The following IPO9 variants were observed in gnomAD, a reference collection of about 807,000 sequenced individuals.
IPO9 encodes importin-9.
IPO9 carries 28 observed loss-of-function variants against 128.6 expected under a neutral mutation model. That is an observed-to-expected ratio of 0.22 (90% CI 0.16 to 0.30). The LOEUF (loss-of-function observed/expected upper bound fraction) is 0.30, where lower values mean the gene tolerates loss of function less well. Ranked by LOEUF, IPO9 falls within the 10% of genes least tolerant of loss-of-function variation. The pLI is 1.00. For missense variants in IPO9, 935 were observed against 1,293.9 expected, an observed-to-expected ratio of 0.72 and a Z score of 4.26; for synonymous variants, 455 against 475.8, an observed-to-expected ratio of 0.96 and a Z score of 0.57.
In IPO9 at chr1:201,882,138, C is replaced by A. The variant is rs891844250; in HGVS notation, c.*6084C>A. 1 of 152,024 alleles carries A rather than the reference C, an allele frequency of 6.6e-6. No individual in the cohort carries two copies. Among genetic ancestry groups the A allele is most frequent in the Non-Finnish European group, 1.5e-5 (1 of 67,996 alleles). The allele number at this position is 152,024 out of a possible 1,614,324, so 9.4% of individuals were successfully genotyped here. A position where few individuals can be genotyped will look rare whatever the true frequency, so the allele number is the denominator to read the frequency against. The stretch of plus-strand genomic sequence containing the variant: ...ACCCAAAAGTAATCGCAATAAAATT[C>A]CAATTTTTGTAGGCCGGGCATAGTG... On this transcript the variant is annotated 3_prime_UTR_variant, in exon 24 of 24. Transcript: ENST00000361565.
At position 201,853,114 on chromosome 1, in the gene IPO9, A is replaced by C; in HGVS notation, c.690+17A>C. The stretch of plus-strand genomic sequence containing the variant: ...CTGGAAAAGGTAAGCAGGTCTTTGG[A>C]TCAATAACAGACTTCATGCTTAAAA... On this transcript the variant is annotated intron_variant, in intron 6 of 23. Transcript: ENST00000361565. 1 of 1,601,912 alleles carries C rather than the reference A, an allele frequency of 6.2e-7. No individual in the cohort carries two copies. The highest frequency in any genetic ancestry group is 8.6e-7 in the Non-Finnish European group (1 of 1,168,816).
intron 19 of IPO9, among the ~76,000 whole-genome samples, chr1:201,872,186 C>T (rs1422666749): frequency 6.6e-6 from 1 of 152,200 alleles, no homozygotes; most frequent in Non-Finnish European, 1.5e-5. Flanking sequence ...CATTGCACTT[C>T]AGCCTGGGCG....
At chr1:201,848,694 G>C in intron 4 of IPO9, 100 bp downstream of exon 4, 2 of 1,123,996 alleles carry the variant, frequency 1.8e-6, no homozygotes, top group Non-Finnish European at 2.6e-6. Flanking sequence ...AGTAGGAATT[G>C]CTGCTGATGT....
At chr1:201,834,338 G>C (rs1004409950) in intron 1 of IPO9, among the ~76,000 whole-genome samples, 1 of 151,694 alleles carries the variant, frequency 6.6e-6, no homozygotes, top group Non-Finnish European at 1.5e-5. Flanking sequence ...ATGAACCACC[G>C]AAGATCTCTT....
intron 1 of IPO9, among the ~76,000 whole-genome samples, chr1:201,834,715 C>T (rs1247432713): frequency 6.6e-6 from 1 of 152,206 alleles, no homozygotes; most frequent in Non-Finnish European, 1.5e-5. Context: ...TTTCCCCTAT[C>T]ATTTGGCCTT....
rs769882374 is a variant in IPO9, at chr1:201,847,575, A to C, written c.249A>C (p.Gln83His). 2.5e-6 allele frequency: 4 copies of C among 1,614,046 alleles called. No individual in the cohort carries two copies. The highest frequency in any genetic ancestry group is 2.2e-5 in the East Asian group (1 of 44,874). ...AGCTGGCATCAGTCATCTTGAAACA[A>C]TATGTGGAGACTCACTGGTGTGCCC... ...IRQLASVILK[Q>H]YVETHWCAQS... The change falls in exon 3 of 24, where the codon CAA (glutamine) becomes CAC (histidine). Residue 83 changes from glutamine (Q) to histidine (H), a missense_variant. By Grantham distance (24) the Gln-to-His change is conservative. Around this residue, in one of 3 missense-constraint regions of IPO9, gnomAD observed 741 missense variants for 1,019.1 expected, o/e 0.73. Coordinates refer to ENST00000361565, the MANE Select transcript of IPO9 (RefSeq NM_018085.5).
intron 1 of IPO9, among the ~76,000 whole-genome samples, chr1:201,836,832 CAT>C (rs1310741525): frequency 6.6e-6 from 1 of 152,126 alleles, no homozygotes; most frequent in African/African-American, 2.4e-5. Flanking sequence ...TCATGTTGGA[CAT>C]GTGGTCATAA....
At chr1:201,847,459 G>C (rs1356502824) in intron 2 of IPO9, 93 bp from the exon 3 acceptor site, 26 of 1,353,266 alleles carry the variant, frequency 1.9e-5, no homozygotes, top group Non-Finnish European at 1.6e-5. Flanking sequence ...GCCAGATTTA[G>C]ATATACTTCA....
At position 201,847,619 on chromosome 1, in the gene IPO9, C is replaced by G; in HGVS notation, c.293C>G (p.Pro98Arg). Reference protein sequence around the residue: ...HWCAQSEKFRPPETTERAKIV... With the variant: ...HWCAQSEKFRRPETTERAKIV... ...TGTGCCCAATCAGAGAAATTTAGGCCTCCTGAAACTACAGAAAGGGTAAGT... is the reference window on the plus strand; with the variant it reads ...TGTGCCCAATCAGAGAAATTTAGGCGTCCTGAAACTACAGAAAGGGTAAGT... Residue 98 changes from proline to arginine, a missense_variant, in exon 3 of 24, where the codon CCT becomes CGT. Pro to Arg is a moderately radical substitution (Grantham distance 103). Coordinates refer to ENST00000361565, the MANE Select transcript of IPO9 (RefSeq NM_018085.5). 1 of 1,613,044 alleles carries G rather than the reference C, an allele frequency of 6.2e-7. No individual in the cohort carries two copies. The highest frequency in any genetic ancestry group is 8.5e-7 in the Non-Finnish European group (1 of 1,179,116).
At chr1:201,836,397 TTTAA>T (rs1679923347) in intron 1 of IPO9, among the ~76,000 whole-genome samples, 1 of 152,166 alleles carries the variant, frequency 6.6e-6, no homozygotes, top group East Asian at 1.9e-4. Context: ...TAGTTTGTTT[TTTAA>T]TTGAGACAAG....
intron 1 of IPO9, among the ~76,000 whole-genome samples, chr1:201,844,676 T>G (rs548646593): frequency 6.6e-6 from 1 of 152,220 alleles, no homozygotes; most frequent in Non-Finnish European, 1.5e-5. Flanking sequence ...TAAAAATTAT[T>G]TTGTAAAATA....
At position 201,878,427 on chromosome 1, in the gene IPO9, C is replaced by A. The variant is rs1680818404; in HGVS notation, c.*2373C>A. The A allele has an allele frequency of 6.6e-6, 1 of 152,592 alleles. No homozygotes were observed. Among genetic ancestry groups the A allele is most frequent in the Non-Finnish European group, 1.5e-5 (1 of 68,032 alleles). The allele number at this position is 152,592 out of a possible 1,614,324, so 9.5% of individuals were successfully genotyped here. ...CACACAGACTGAGAATGATGGGGGT[C>A]CCTCTGCGTCTGCTAATTAGACAAA... On this transcript the variant is annotated 3_prime_UTR_variant, in exon 24 of 24. Transcript: ENST00000361565.
chr1:201,856,083 A>G (rs536850942), intron 10 of IPO9, 149 bp downstream of exon 10: 2 of 596,478 alleles, frequency 3.4e-6, no homozygotes, highest in African/African-American at 4.1e-5. Context: ...GTTTGACATC[A>G]TTTTATTGCC....
chr1:201,835,408 TAAAA>T (rs1679905096), intron 1 of IPO9, among the ~76,000 whole-genome samples: 1 of 152,120 alleles, frequency 6.6e-6, no homozygotes, highest in Non-Finnish European at 1.5e-5. Flanking sequence ...AGCAAAAGAC[TAAAA>T]GAGAATGAGA....
At chr1:201,875,803 G>A (rs1680751732) in intron 23 of IPO9, 141 bp from the exon 24 acceptor site, 1 of 682,314 alleles carries the variant, frequency 1.5e-6, no homozygotes, top group Admixed American at 2.1e-5. Context: ...CTAGATCCAA[G>A]AACATGAAAG....
rs1343600474 is a variant in IPO9 at position 201,878,913 on chromosome 1, A to G, written c.*2859A>G. 6.6e-6 allele frequency: 1 copy of G among 152,254 alleles called. No homozygotes were observed. The highest frequency in any genetic ancestry group is 2.4e-5 in the African/African-American group (1 of 41,462). 9.4% of individuals were successfully genotyped at this position (152,254 alleles called of 1,614,324 possible). On this transcript the variant is annotated 3_prime_UTR_variant, in exon 24 of 24. Transcript: ENST00000361565. Reference sequence around the variant, plus strand: ...CTGAAAAGGGCAGGGCTAAGTGGTTACAAGGAACTAAAAAGTTCAAGGTAA... The same window carrying G: ...CTGAAAAGGGCAGGGCTAAGTGGTTGCAAGGAACTAAAAAGTTCAAGGTAA...
In IPO9 at chr1:201,876,251, C is replaced by T. The variant is rs1272626288; in HGVS notation, c.*197C>T. ...CACTTAGGAATGCTGGAACAAAGGACATTTCTCAAAGTTCCCCTGAAGACA... is the reference window on the plus strand; with the variant it reads ...CACTTAGGAATGCTGGAACAAAGGATATTTCTCAAAGTTCCCCTGAAGACA... On this transcript the variant is annotated 3_prime_UTR_variant, in exon 24 of 24. Coordinates refer to ENST00000361565, the MANE Select transcript of IPO9 (RefSeq NM_018085.5). 1.4e-6 allele frequency: 1 copy of T among 697,902 alleles called. No individual in the cohort carries two copies. The highest frequency in any genetic ancestry group is 1.5e-5 in the South Asian group (1 of 66,940). The allele number at this position is 697,902 out of a possible 1,614,324, so 43.2% of individuals were successfully genotyped here.
rs1417091203 is a variant in IPO9 at position 201,874,918 on chromosome 1, C to G, written c.2920C>G (p.Leu974Val). 1 of 1,610,946 alleles carries G rather than the reference C, an allele frequency of 6.2e-7. No individual in the cohort carries two copies. Residue 974 changes from leucine to valine, a missense_variant, in exon 22 of 24, where the codon CTT (leucine) becomes GTT (valine). By Grantham distance (32) the Leu-to-Val change is conservative (BLOSUM62 1). Transcript: ENST00000361565. ...GLAGQLLSDI[L>V]ATSKYEEDYY... ...AGCTGGCCAACTTTTATCTGACATT[C>G]TTGCTACAAGTAAATATGGTAAGCT...
At chr1:201,865,051 C>T (rs1680523825) in intron 14 of IPO9, among the ~76,000 whole-genome samples, 2 of 152,182 alleles carry the variant, frequency 1.3e-5, no homozygotes, top group African/African-American at 4.8e-5. Context: ...TGAAGCCTAT[C>T]TGTGGATCCC....
Sources: allele counts gnomAD v4.1 joint callset (sites outside exome capture counted in the v4.1 genomes callset), GRCh38; gene constraint gnomAD v4.1.1; regional missense constraint gnomAD v4.1.1; transcripts MANE v1.5; gene names NCBI Gene and HGNC (gene_info 2026-07-23, HGNC 2026-07-21).